Variants in SLC52A1 observed in about 807,000 individuals in gnomAD.
The protein encoded by SLC52A1 is solute carrier family 52 member 1, also known as solute carrier family 52, riboflavin transporter, member 1.
A neutral mutation model predicts 23.2 loss-of-function variants in SLC52A1; 20 were observed. That is an observed-to-expected ratio of 0.86 (90% CI 0.61 to 1.25). SLC52A1 has a LOEUF of 1.25. Ranked by LOEUF, SLC52A1 falls within the 50% of genes most tolerant of loss-of-function variation. The pLI, the probability that SLC52A1 is intolerant of heterozygous loss-of-function variation, is 0.00. For missense variants in SLC52A1, 528 were observed against 557.0 expected, an observed-to-expected ratio of 0.95 and a Z score of 0.52; for synonymous variants, 260 against 256.6, an observed-to-expected ratio of 1.01 and a Z score of -0.13.
upstream of SLC52A1, among the ~76,000 whole-genome samples, chr17:5,036,793 C>A (rs1975470775): frequency 6.6e-6 from 1 of 152,064 alleles, no homozygotes; most frequent in Non-Finnish European, 1.5e-5. Flanking sequence ...GTATGGCCTG[C>A]TAGCTAAGAC....
rs753609854 is a variant in SLC52A1 at position 5,034,191 on chromosome 17, G to A, written c.298C>T (p.His100Tyr). 5 of 1,614,142 alleles carry A rather than the reference G, an allele frequency of 3.1e-6. No homozygotes were observed. The highest frequency in any genetic ancestry group is 2.5e-6 in the Non-Finnish European group (3 of 1,180,004). Residue 100 changes from histidine (H) to tyrosine (Y), a missense_variant, in exon 3 of 5, where the codon CAC becomes TAC. Coordinates refer to ENST00000254853, the MANE Select transcript of SLC52A1 (RefSeq NM_017986.4). ...TGCCCTGCCACTGGGGCCACGTGGT[G>A]CCACAGAGGGGCCAGCAGGGCTGTG... ...VGTALLAPLW[H>Y]HVAPVAGQLH...
upstream of SLC52A1, among the ~76,000 whole-genome samples, chr17:5,037,923 T>C (rs1423756477): frequency 1.4e-5 from 2 of 144,800 alleles, no homozygotes; most frequent in Admixed American, 1.4e-4. Context: ...CCTTTTTTTT[T>C]TTTTTTTTTT....
chr17:5,035,986 C>G (rs1975446302), upstream of SLC52A1, among the ~76,000 whole-genome samples: 1 of 141,762 alleles, frequency 7.1e-6, no homozygotes, highest in African/African-American at 2.6e-5. Context: ...TCCCAAGTAG[C>G]TGGGACTACA....
At position 5,032,836 on chromosome 17, in the gene SLC52A1, G is replaced by C. The variant is rs1297307506; in HGVS notation, c.*121C>G. On this transcript the variant is annotated 3_prime_UTR_variant, in exon 5 of 5. Transcript: ENST00000254853. The stretch of plus-strand genomic sequence containing the variant: ...CATGCCAACGTCTTCTGTGGAGTGT[G>C]CAGGTGTCCATGAGCGTTCCTGTGT... 1.1e-6 allele frequency: 1 copy of C among 871,492 alleles called. No individual in the cohort carries two copies. The highest frequency in any genetic ancestry group is 1.8e-6 in the Non-Finnish European group (1 of 561,148). 54.0% of individuals were successfully genotyped at this position (871,492 alleles called of 1,614,324 possible).
chr17:5,040,362 C>T (rs1458630860), upstream of SLC52A1, among the ~76,000 whole-genome samples: 1 of 152,056 alleles, frequency 6.6e-6, no homozygotes, highest in Non-Finnish European at 1.5e-5. Flanking sequence ...TTTGTAGAGA[C>T]TAGGTCTTGC....
Position 5,033,174 on chromosome 17 carries a change from A to G in SLC52A1, c.1135-5T>C. 1 of 1,613,794 alleles carries G rather than the reference A, an allele frequency of 6.2e-7. No individual in the cohort carries two copies. The highest frequency in any genetic ancestry group is 8.5e-7 in the Non-Finnish European group (1 of 1,179,898). On this transcript the variant is annotated splice_region_variant and splice_polypyrimidine_tract_variant and intron_variant, in intron 4 of 4. Transcript: ENST00000254853. The stretch of plus-strand genomic sequence containing the variant: ...ACACAGCACCCACGACAGCACCTGC[A>G]AGGGAGGACACAGCAGCAGGCTGAG...
chr17:5,041,085 G>A (rs1322545868), intron 1 of SLC52A1, among the ~76,000 whole-genome samples: 4 of 151,530 alleles, frequency 2.6e-5, no homozygotes, highest in Non-Finnish European at 5.9e-5. Context: ...GTGAGCCACC[G>A]TGCCCGGCCT....
In SLC52A1 at chr17:5,033,523, G is replaced by A. The variant is rs140073463; in HGVS notation, c.966C>T (p.Ala322=). The change falls in exon 3 of 5, where the codon GCC becomes GCT. Residue 322 remains alanine, a synonymous_variant. Coordinates refer to ENST00000254853, the MANE Select transcript of SLC52A1 (RefSeq NM_017986.4). ...CCAGGAAGCAGGCAAGGGGGTTGGC[G>A]GCACTGCCCAGCACCACAGCCAGGT... ...AYHLAVVLGS[A]ANPLACFLAM... is the part of the protein sequence containing the mutation. 181 of 1,613,166 alleles carry A rather than the reference G, an allele frequency of 1.1e-4. No individual in the cohort carries two copies. Among genetic ancestry groups the A allele is most frequent in the East Asian group, 6.7e-4 (30 of 44,876 alleles).
chr17:5,035,631 T>C (rs1384742667), upstream of SLC52A1, among the ~76,000 whole-genome samples: 3 of 152,164 alleles, frequency 2.0e-5, no homozygotes, highest in Non-Finnish European at 4.4e-5. Context: ...GGGAGCCCCC[T>C]CCGCCGGGGA....
Position 5,035,257 on chromosome 17 carries a change from A to C in SLC52A1, c.-504T>G, listed in dbSNP as rs572326982. ...CGGAAGGTGGAGGTTGCAGTGAGCC[A>C]AGATCACACCACTGCATTCCAGCCT... is the stretch of plus-strand genomic sequence containing the variant. On this transcript the variant is annotated 5_prime_UTR_variant, in exon 1 of 5. Transcript: ENST00000254853. 6.5e-6 allele frequency: 1 copy of C among 153,338 alleles called. No homozygotes were observed. Among genetic ancestry groups the C allele is most frequent in the African/African-American group, 2.4e-5 (1 of 41,568 alleles). 9.5% of individuals were successfully genotyped at this position (153,338 alleles called of 1,614,324 possible).
upstream of SLC52A1, among the ~76,000 whole-genome samples, chr17:5,040,184 T>C (rs1242977616): frequency 7.0e-6 from 1 of 143,122 alleles, no homozygotes; most frequent in East Asian, 1.9e-4. Flanking sequence ...CTTTTCCTTC[T>C]TTTTTTTGAG....
upstream of SLC52A1, among the ~76,000 whole-genome samples, chr17:5,037,746 G>A (rs377382165): frequency 1.3e-5 from 2 of 152,148 alleles, no homozygotes; most frequent in East Asian, 1.9e-4. Context: ...ACGTTTGCGC[G>A]GAGGAGGCAC....
At chr17:5,039,719 G>A (rs1597881666), upstream of SLC52A1, among the ~76,000 whole-genome samples, 2 of 152,120 alleles carry the variant, frequency 1.3e-5, no homozygotes, top group Non-Finnish European at 2.9e-5. Flanking sequence ...TGATCCGCCC[G>A]CCTCGGCCTC....
upstream of SLC52A1, among the ~76,000 whole-genome samples, chr17:5,039,724 G>A (rs1432383311): frequency 1.3e-5 from 2 of 152,094 alleles, no homozygotes; most frequent in Admixed American, 6.6e-5. Context: ...CGCCCGCCTC[G>A]GCCTCCCAAA....
intron 1 of SLC52A1, among the ~76,000 whole-genome samples, chr17:5,042,380 A>C (rs1975554317): frequency 1.3e-5 from 2 of 152,134 alleles, no homozygotes; most frequent in African/African-American, 4.8e-5. Context: ...CTCCGGCAGC[A>C]GCTCTCCACC....
intron 4 of SLC52A1, 25 bp from the exon 5 acceptor site, chr17:5,033,194 G>A: frequency 1.2e-6 from 2 of 1,613,252 alleles, no homozygotes; most frequent in Non-Finnish European, 1.7e-6. Flanking sequence ...ACAGCAGCAG[G>A]CTGAGCATGA....
At chr17:5,041,615 T>C (rs576878096) in intron 1 of SLC52A1, among the ~76,000 whole-genome samples, 1 of 152,022 alleles carries the variant, frequency 6.6e-6, no homozygotes, top group Admixed American at 6.6e-5. Context: ...GTAGCTGGGA[T>C]TACAGGCACC....
rs867360189 is a variant in SLC52A1, at chr17:5,033,735, G to A, written c.754C>T (p.Pro252Ser). Residue 252 changes from proline (P) to serine (S), a missense_variant, in exon 3 of 5, where the codon CCA (proline) becomes TCA (serine). Physicochemically the swap from Pro to Ser is moderately conservative, Grantham distance 74. Coordinates refer to ENST00000254853, the MANE Select transcript of SLC52A1 (RefSeq NM_017986.4). ...EEEKEEEEAL[P>S]LQEPPSQAAG... Reference sequence around the variant, plus strand: ...GCCTGGCTCGGTGGCTCCTGCAATGGCAAAGCCTCTTCTTCCTCCTTCTCT... The same window carrying A: ...GCCTGGCTCGGTGGCTCCTGCAATGACAAAGCCTCTTCTTCCTCCTTCTCT... The A allele has an allele frequency of 1.9e-6, 3 of 1,613,972 alleles. No homozygotes were observed. The African/African-American group carries it at 4.0e-5, about 22-fold the overall frequency.
chr17:5,033,538 C>G lies in SLC52A1; in HGVS notation c.951G>C (p.Val317=). ...PYGRLAYHLA[V]VLGSAANPLA... is the part of the protein sequence containing the mutation. ...GGGGGTTGGCGGCACTGCCCAGCAC[C>G]ACAGCCAGGTGGTAGGCCAGGCGCC... The change falls in exon 3 of 5, where the codon GTG becomes GTC. Residue 317 remains valine (V), a synonymous_variant. Coordinates refer to ENST00000254853, the MANE Select transcript of SLC52A1 (RefSeq NM_017986.4). The G allele has an allele frequency of 6.2e-7, 1 of 1,613,790 alleles. No homozygotes were observed. Among genetic ancestry groups the G allele is most frequent in the Non-Finnish European group, 8.5e-7 (1 of 1,179,954 alleles).
Sources: allele counts gnomAD v4.1 joint callset (sites outside exome capture counted in the v4.1 genomes callset), GRCh38; gene constraint gnomAD v4.1.1; transcripts MANE v1.5; gene names NCBI Gene and HGNC (gene_info 2026-07-23, HGNC 2026-07-21).